Variants in ADSL observed in about 807,000 individuals in gnomAD.
ADSL encodes the protein adenylosuccinate lyase, also known as adenylosuccinase.
Under a neutral mutation model 62.1 loss-of-function variants are expected in ADSL, and 44 were observed. That is an observed-to-expected ratio of 0.71 (90% CI 0.56 to 0.91). The LOEUF is 0.91. ADSL is among the 40% of genes least tolerant of loss of function. The pLI is 0.00. For synonymous variants in ADSL, 198 were observed against 220.5 expected (o/e 0.90, Z 0.90); for missense variants, 531 against 627.4 (o/e 0.85, Z 1.64).
At chr22:40,353,016 A>G in intron 2 of ADSL, 57 bp from the exon 3 acceptor site, 2 of 1,493,910 alleles carry the variant, frequency 1.3e-6, no homozygotes, top group Non-Finnish European at 1.9e-6. Context: ...AGTGTTATGT[A>G]ATAATATTGT....
intron 11 of ADSL, 96 bp from the exon 12 acceptor site, chr22:40,364,784 G>A (rs1342344878): frequency 2.3e-6 from 3 of 1,324,456 alleles, no homozygotes; most frequent in Admixed American, 3.4e-5. Context: ...GTGTAGAGCT[G>A]TGTAGACTGC....
chr22:40,362,911 T>A (rs1486459836), intron 9 of ADSL, 70 bp from the exon 10 acceptor site: 3 of 1,401,366 alleles, frequency 2.1e-6, no homozygotes, highest in Non-Finnish European at 3.0e-6. Flanking sequence ...GGGCAACTTG[T>A]TGGGACACAC....
At chr22:40,380,696 G>C (rs2047427217) in intron 2 of ADSL, among the ~76,000 whole-genome samples, 1 of 152,134 alleles carries the variant, frequency 6.6e-6, no homozygotes, top group Admixed American at 6.6e-5. Flanking sequence ...AGCACTTTGG[G>C]AGGCCAAGGT....
intron 2 of ADSL, chr22:40,350,239 T>A (rs1322656562): frequency 1.8e-6 from 1 of 545,320 alleles, no homozygotes; most frequent in East Asian, 3.3e-5. Flanking sequence ...TTCTCCTGCC[T>A]CAGCCTCCCG....
intron 7 of ADSL, chr22:40,360,954 GC>G: frequency 5.0e-6 from 2 of 398,714 alleles, no homozygotes. Context: ...ACCCACCTCA[GC>G]CTCCCAAAAT....
At chr22:40,373,948 A>T (rs773076198), downstream of ADSL, among the ~76,000 whole-genome samples, 7 of 146,512 alleles carry the variant, frequency 4.8e-5, no homozygotes, top group Admixed American at 4.8e-4. Flanking sequence ...ATTTTTATTT[A>T]TTTTATTTAT....
chr22:40,350,394 G>T, intron 2 of ADSL: 1 of 236,284 alleles, frequency 4.2e-6, no homozygotes, highest in South Asian at 5.3e-5. Flanking sequence ...CCAAAGTGTT[G>T]GGATTACAGG....
At chr22:40,373,662 C>G (rs1159544660), downstream of ADSL, 4 of 152,238 alleles carry the variant, frequency 2.6e-5, no homozygotes, top group Admixed American at 6.5e-5. Flanking sequence ...TGTCACCAGG[C>G]TAGAGTGCAG....
intron 6 of ADSL, 118 bp downstream of exon 6, chr22:40,359,424 T>C: frequency 2.5e-6 from 1 of 397,174 alleles, no homozygotes; most frequent in Non-Finnish European, 4.3e-6. Context: ...CTTCTACCCA[T>C]TTTTTTTTTT....
At chr22:40,387,360 T>G (rs943020451) in intron 2 of ADSL, 33 of 393,970 alleles carry the variant, frequency 8.4e-5, no homozygotes, top group African/African-American at 6.4e-4. Context: ...AATGAAACAT[T>G]TCCGGTAATT....
chr22:40,355,387 C>T (rs2044514870), intron 4 of ADSL, among the ~76,000 whole-genome samples: 1 of 152,068 alleles, frequency 6.6e-6, no homozygotes, highest in South Asian at 2.1e-4. Context: ...AAGTGATCTG[C>T]CCACTTGAGA....
intron 2 of ADSL, among the ~76,000 whole-genome samples, chr22:40,381,420 AT>A (rs550199753): frequency 2.3e-4 from 35 of 152,316 alleles, no homozygotes; most frequent in African/African-American, 7.9e-4. Flanking sequence ...AAGTGCTGGG[AT>A]AAGAGGAATG....
chr22:40,368,242 G>T lies in ADSL; in HGVS notation c.*1720G>T, dbSNP rs948060066. The T allele has an allele frequency of 1.8e-4, 27 of 152,176 alleles. No homozygotes were observed. Among genetic ancestry groups the T allele is most frequent in the Admixed American group, 1.6e-3 (24 of 15,280 alleles). The allele number at this position is 152,176 out of a possible 1,614,324, so 9.4% of individuals were successfully genotyped here. A position where few individuals can be genotyped will look rare whatever the true frequency, so the allele number is the denominator to read the frequency against. On this transcript the variant is annotated 3_prime_UTR_variant, in exon 13 of 13. Transcript: ENST00000623063. ...CCAGACATTGGAACCACTGAGATTA[G>T]CAACCTACACTCAATCCCCCAGGTC... is the stretch of plus-strand genomic sequence containing the variant.
intron 2 of ADSL, among the ~76,000 whole-genome samples, chr22:40,383,238 C>T (rs60943224): frequency 0.023 from 3,509 of 151,920 alleles, 133 homozygotes; most frequent in African/African-American, 0.081. Flanking sequence ...GAGGCCGAGG[C>T]GGGCAGATCA....
intron 2 of ADSL, among the ~76,000 whole-genome samples, chr22:40,351,156 G>A (rs1203039609): frequency 2.6e-5 from 4 of 151,718 alleles, no homozygotes; most frequent in East Asian, 1.9e-4. Context: ...CACTGCACCA[G>A]GCTAATTAAA....
In ADSL at chr22:40,367,739, T is replaced by C. The variant is rs1417377548; in HGVS notation, c.*1217T>C. On this transcript the variant is annotated 3_prime_UTR_variant, in exon 13 of 13. Transcript: ENST00000623063. ...ATAGATGAAAATGAAAGCTTTTGTTTATCAGATTTGCAGATGACACAAAAC... is the reference window on the plus strand; with the variant it reads ...ATAGATGAAAATGAAAGCTTTTGTTCATCAGATTTGCAGATGACACAAAAC... 2 of 160,392 alleles carry C rather than the reference T, an allele frequency of 1.2e-5. No individual in the cohort carries two copies. Among genetic ancestry groups the C allele is most frequent in the African/African-American group, 2.4e-5 (1 of 41,464 alleles). The allele number at this position is 160,392 out of a possible 1,614,324, so 9.9% of individuals were successfully genotyped here.
chr22:40,364,753 A>C, intron 11 of ADSL, 127 bp from the exon 12 acceptor site: 1 of 967,832 alleles, frequency 1.0e-6, no homozygotes, highest in Non-Finnish European at 1.6e-6. Context: ...CACAGGAACC[A>C]CCTCAGCCTA....
At chr22:40,357,410 C>T (rs1409354546) in intron 4 of ADSL, among the ~76,000 whole-genome samples, 10 of 151,938 alleles carry the variant, frequency 6.6e-5, no homozygotes, top group East Asian at 1.9e-4. Context: ...TGCACCACCA[C>T]GCCTGGCTAA....
downstream of ADSL, among the ~76,000 whole-genome samples, chr22:40,372,444 C>T (rs1336222608): frequency 2.0e-5 from 3 of 152,118 alleles, no homozygotes; most frequent in Non-Finnish European, 2.9e-5. Context: ...CCTTTTTAAG[C>T]GTGGAGGTGT....
Sources: gnomAD v4.1 joint callset for allele counts (sites outside exome capture counted in the v4.1 genomes callset) on GRCh38, gnomAD v4.1.1 for gene constraint, MANE v1.5 for transcripts, NCBI Gene and HGNC (gene_info 2026-07-23, HGNC 2026-07-21) for gene names.